FHIT: variants seen among roughly 807,000 people sequenced by gnomAD.
FHIT encodes the protein bis(5'-adenosyl)-triphosphatase.
Under a neutral mutation model 17.9 loss-of-function variants are expected in FHIT, and 19 were observed. The ratio of observed to expected loss-of-function variants is 1.06; its 90% CI spans 0.74 to 1.56. The LOEUF (loss-of-function observed/expected upper bound fraction) is 1.56, where lower values mean the gene tolerates loss of function less well. FHIT is among the 40% of genes most tolerant of loss of function. FHIT has a pLI of 0.00. For missense variants in FHIT, 248 were observed against 189.2 expected (o/e 1.31, Z -1.82); for synonymous variants, 81 against 69.7 (o/e 1.16, Z -0.81).
At chr3:60,223,564 T>C (rs924304617) in intron 5 of FHIT, among the ~76,000 whole-genome samples, 3 of 152,192 alleles carry the variant, frequency 2.0e-5, no homozygotes, top group African/African-American at 7.2e-5. Context: ...ACAAGCTTGT[T>C]GAGAAACCCT....
intron 1 of FHIT, among the ~76,000 whole-genome samples, chr3:61,214,408 A>C (rs1312873130): frequency 6.6e-6 from 1 of 152,268 alleles, no homozygotes; most frequent in Non-Finnish European, 1.5e-5. Flanking sequence ...AAAATCTAGA[A>C]GAAATGGATA....
At chr3:60,456,686 C>T (rs1324712975) in intron 5 of FHIT, among the ~76,000 whole-genome samples, 1 of 152,158 alleles carries the variant, frequency 6.6e-6, no homozygotes, top group Non-Finnish European at 1.5e-5. Flanking sequence ...TTCTTTTTTA[C>T]TGATATCAGC....
At chr3:60,341,828 T>C (rs17658463) in intron 5 of FHIT, among the ~76,000 whole-genome samples, 58,819 of 151,962 alleles carry the variant, frequency 0.39, 12,312 homozygotes, top group South Asian at 0.64. Flanking sequence ...CAGGGAAATA[T>C]TCGCACCGCC....
intron 6 of FHIT, 73 bp downstream of exon 6, chr3:60,013,934 A>G: frequency 1.4e-6 from 2 of 1,467,354 alleles, no homozygotes; most frequent in East Asian, 2.3e-5. Flanking sequence ...CTGGTAAGAT[A>G]TCAGGAGGAG....
intron 5 of FHIT, among the ~76,000 whole-genome samples, chr3:60,301,883 A>C (rs545982965): frequency 6.6e-6 from 1 of 152,284 alleles, no homozygotes; most frequent in South Asian, 2.1e-4. Flanking sequence ...ATTTCCTCAG[A>C]AATTTTAAAA....
At chr3:60,694,165 G>T (rs946429929) in intron 4 of FHIT, among the ~76,000 whole-genome samples, 1 of 152,148 alleles carries the variant, frequency 6.6e-6, no homozygotes, top group African/African-American at 2.4e-5. Flanking sequence ...AAAAACATGG[G>T]TAAGGAACAG....
chr3:61,215,041 A>C (rs1201744810), intron 1 of FHIT, among the ~76,000 whole-genome samples: 1 of 151,646 alleles, frequency 6.6e-6, no homozygotes, highest in Non-Finnish European at 1.5e-5. Flanking sequence ...ACAAACCCAC[A>C]GCCAATATCA....
At chr3:60,723,030 T>G (rs2041843371) in intron 4 of FHIT, among the ~76,000 whole-genome samples, 1 of 152,120 alleles carries the variant, frequency 6.6e-6, no homozygotes, top group Non-Finnish European at 1.5e-5. Flanking sequence ...CTACTTTAAG[T>G]CTTAATTCAC....
chr3:60,587,220 A>G (rs2037935728), intron 4 of FHIT, among the ~76,000 whole-genome samples: 1 of 152,058 alleles, frequency 6.6e-6, no homozygotes, highest in Admixed American at 6.6e-5. Context: ...ATGAAGCTGG[A>G]AACCATCATC....
At chr3:60,237,261 C>CCT (rs1491397783) in intron 5 of FHIT, among the ~76,000 whole-genome samples, 2 of 123,572 alleles carry the variant, frequency 1.6e-5, no homozygotes, top group South Asian at 2.6e-4. Flanking sequence ...TTTGTTTTTC[C>CCT]ATTTTTTTTT....
At chr3:59,905,219 C>A (rs982009200) in intron 8 of FHIT, among the ~76,000 whole-genome samples, 3 of 152,148 alleles carry the variant, frequency 2.0e-5, no homozygotes, top group Non-Finnish European at 2.9e-5. Flanking sequence ...TCAGCCCAGC[C>A]AAGAATAGCA....
intron 3 of FHIT, among the ~76,000 whole-genome samples, chr3:60,866,267 C>T (rs1553753833): frequency 6.6e-6 from 1 of 152,176 alleles, no homozygotes; most frequent in Non-Finnish European, 1.5e-5. Context: ...AGTCATTTTC[C>T]ATGTGGAAGA....
chr3:59,910,743 C>G (rs952817663), intron 8 of FHIT, among the ~76,000 whole-genome samples: 1 of 152,142 alleles, frequency 6.6e-6, no homozygotes, highest in African/African-American at 2.4e-5. Flanking sequence ...GTCCATACAT[C>G]AGTAGGCAGG....
intron 3 of FHIT, among the ~76,000 whole-genome samples, chr3:60,964,125 T>C (rs1422374478): frequency 3.9e-5 from 6 of 152,216 alleles, no homozygotes; most frequent in Non-Finnish European, 8.8e-5. Flanking sequence ...CTGTATTGGG[T>C]GCATATATAT....
At chr3:60,560,494 A>C (rs945077539) in intron 4 of FHIT, among the ~76,000 whole-genome samples, 3 of 152,030 alleles carry the variant, frequency 2.0e-5, no homozygotes, top group African/African-American at 7.2e-5. Flanking sequence ...TCTGTAAGTA[A>C]ATTTTAAACG....
rs549192995 is a variant in FHIT, at chr3:60,862,826, T to G, written c.-110-40815A>C. On this transcript the variant is annotated intron_variant, in intron 3 of 9. Coordinates refer to ENST00000492590, the MANE Select transcript of FHIT (RefSeq NM_002012.4). ...AAGACTGCACCATTGCACTCCAGCTTGGGCGACAGAGTGAAACTCCCTCTC... is the reference window on the plus strand; with the variant it reads ...AAGACTGCACCATTGCACTCCAGCTGGGGCGACAGAGTGAAACTCCCTCTC... Among the ~76,000 whole-genome samples, 194 of 143,266 alleles carry G rather than the reference T, an allele frequency of 1.4e-3. 2 individuals carry two copies. The highest frequency in any genetic ancestry group is 5.0e-3 in the African/African-American group (189 of 37,642). The allele number at this position is 143,266 out of a possible 152,430, so 94.0% of individuals were successfully genotyped here.
intron 1 of FHIT, among the ~76,000 whole-genome samples, chr3:61,238,413 C>T (rs1189931854): frequency 3.9e-5 from 6 of 152,130 alleles, no homozygotes; most frequent in African/African-American, 1.4e-4. Flanking sequence ...TGCATAAGGA[C>T]CAGGTGCAGG....
chr3:60,075,877 T>C (rs1057336102), intron 5 of FHIT, among the ~76,000 whole-genome samples: 1 of 152,148 alleles, frequency 6.6e-6, no homozygotes, highest in African/African-American at 2.4e-5. Flanking sequence ...CTTATAATGA[T>C]GTCCCTTTTT....
chr3:60,168,026 T>A (rs977570896), intron 5 of FHIT, among the ~76,000 whole-genome samples: 15 of 152,146 alleles, frequency 9.9e-5, no homozygotes, highest in Non-Finnish European at 1.6e-4. Flanking sequence ...CCTGTCTCAA[T>A]AAGTAAGTAA....
Sources: allele counts gnomAD v4.1 joint callset (sites outside exome capture counted in the v4.1 genomes callset), GRCh38; gene constraint gnomAD v4.1.1; transcripts MANE v1.5; gene names NCBI Gene and HGNC (gene_info 2026-07-23, HGNC 2026-07-21).